The following ACYP2 variants were observed in gnomAD, a reference collection of about 807,000 sequenced individuals.
ACYP2 encodes the protein acylphosphatase-2.
Under a neutral mutation model 11.2 loss-of-function variants are expected in ACYP2, and 12 were observed. The ratio of observed to expected loss-of-function variants is 1.08; its 90% CI spans 0.69 to 1.74. The LOEUF is 1.74. Ranked by LOEUF, ACYP2 falls within the 40% of genes most tolerant of loss-of-function variation. The pLI is 0.00. For synonymous variants in ACYP2, 43 were observed against 32.2 expected, an observed-to-expected ratio of 1.33 and a Z score of -1.13; for missense variants, 134 against 101.9, an observed-to-expected ratio of 1.31 and a Z score of -1.35.
chr2:54,277,264 T>G (rs1231732304), intron 6 of ACYP2, among the ~76,000 whole-genome samples: 1 of 152,170 alleles, frequency 6.6e-6, no homozygotes, highest in Admixed American at 6.5e-5. Context: ...GACAAATAAC[T>G]CTCCCTCCTT....
At chr2:54,227,841 T>C (rs978405420) in intron 6 of ACYP2, among the ~76,000 whole-genome samples, 1 of 152,192 alleles carries the variant, frequency 6.6e-6, no homozygotes, top group Admixed American at 6.5e-5. Context: ...AGGAACTGAA[T>C]CATGTAAATC....
At chr2:54,027,482 C>T (rs1674347125) in intron 2 of ACYP2, among the ~76,000 whole-genome samples, 1 of 152,162 alleles carries the variant, frequency 6.6e-6, no homozygotes, top group Non-Finnish European at 1.5e-5. Flanking sequence ...TTTTGTCTTC[C>T]AATCATACTT....
At chr2:54,102,092 C>T (rs779814184) in intron 4 of ACYP2, among the ~76,000 whole-genome samples, 5 of 152,148 alleles carry the variant, frequency 3.3e-5, no homozygotes, top group Non-Finnish European at 4.4e-5. Context: ...ATCCCTCCCT[C>T]AAATGTATAT....
At chr2:54,234,793 C>A (rs1034246306) in intron 6 of ACYP2, among the ~76,000 whole-genome samples, 2 of 152,194 alleles carry the variant, frequency 1.3e-5, no homozygotes, top group African/African-American at 2.4e-5. Context: ...CTACTGATTT[C>A]TTTGGGGGAT....
At chr2:54,282,624 G>C (rs1688899221) in intron 6 of ACYP2, among the ~76,000 whole-genome samples, 1 of 152,028 alleles carries the variant, frequency 6.6e-6, no homozygotes, top group Non-Finnish European at 1.5e-5. Context: ...CTCTTACATG[G>C]TTAGCCAACT....
chr2:54,042,020 T>C (rs1006462431), intron 2 of ACYP2, among the ~76,000 whole-genome samples: 1 of 151,776 alleles, frequency 6.6e-6, no homozygotes, highest in Non-Finnish European at 1.5e-5. Context: ...TTTTTTTTTT[T>C]TTTTGAGATG....
At chr2:53,988,614 C>T (rs879667770) in intron 2 of ACYP2, among the ~76,000 whole-genome samples, 3 of 152,052 alleles carry the variant, frequency 2.0e-5, no homozygotes, top group Non-Finnish European at 4.4e-5. Context: ...TTTGTAGAGA[C>T]AGGGTTTTGC....
Position 54,274,457 on chromosome 2 carries a change from A to G in ACYP2, c.405-30231A>G, listed in dbSNP as rs141798273. Among the ~76,000 whole-genome samples, 337 of 152,120 alleles carry G rather than the reference A, an allele frequency of 2.2e-3. 1 individual carries two copies. The highest frequency in any genetic ancestry group is 7.7e-3 in the African/African-American group (318 of 41,480). ...GAGGTTTAAGACCAGCCTGGGCAAC[A>G]TAGTGAGCCCATTTCTACAAAATAA... On this transcript the variant is annotated intron_variant, in intron 6 of 6. Coordinates refer to ENST00000607452, the MANE Select transcript of ACYP2 (RefSeq NM_001320586.2).
chr2:54,125,839 T>TG (rs1680461139), intron 4 of ACYP2, among the ~76,000 whole-genome samples: 1 of 152,008 alleles, frequency 6.6e-6, no homozygotes, highest in South Asian at 2.1e-4. Flanking sequence ...CCCAGCACTT[T>TG]GGGGGGCCGA....
intron 6 of ACYP2, among the ~76,000 whole-genome samples, chr2:54,239,587 G>A (rs1367066769): frequency 2.0e-5 from 3 of 152,154 alleles, no homozygotes; most frequent in Non-Finnish European, 2.9e-5. Flanking sequence ...GTGAGCCAGA[G>A]GAGTATTTGA....
chr2:54,292,160 A>T (rs1015487924), intron 6 of ACYP2, among the ~76,000 whole-genome samples: 14 of 152,136 alleles, frequency 9.2e-5, no homozygotes, highest in African/African-American at 3.1e-4. Context: ...TACCAGCATG[A>T]CCAGCCACAA....
chr2:54,067,144 A>G (rs1676791125), intron 4 of ACYP2, among the ~76,000 whole-genome samples: 1 of 152,324 alleles, frequency 6.6e-6, no homozygotes, highest in Non-Finnish European at 1.5e-5. Flanking sequence ...TGCAGATATT[A>G]TTGTTAACTT....
At chr2:53,990,785 GT>G (rs1221080011) in intron 2 of ACYP2, among the ~76,000 whole-genome samples, 5 of 147,622 alleles carry the variant, frequency 3.4e-5, no homozygotes, top group East Asian at 4.0e-4. Context: ...AAGAATTTGC[GT>G]TTTTTTTTTG....
intron 2 of ACYP2, among the ~76,000 whole-genome samples, chr2:54,028,063 G>A (rs1257320320): frequency 6.6e-6 from 1 of 151,762 alleles, no homozygotes; most frequent in Non-Finnish European, 1.5e-5. Flanking sequence ...GGCTGGTCTC[G>A]AACTCATGAG....
chr2:54,055,340 A>G (rs779609045), intron 3 of ACYP2, among the ~76,000 whole-genome samples: 5 of 152,138 alleles, frequency 3.3e-5, no homozygotes, highest in Non-Finnish European at 5.9e-5. Context: ...TTCTTAAATG[A>G]GATAATTTCT....
At chr2:54,113,245 T>G (rs1005502512) in intron 4 of ACYP2, among the ~76,000 whole-genome samples, 2 of 151,818 alleles carry the variant, frequency 1.3e-5, no homozygotes, top group African/African-American at 4.8e-5. Context: ...GATGACTTTT[T>G]TTTTTTTTTT....
At chr2:54,175,605 T>C (rs1683426345) in intron 6 of ACYP2, among the ~76,000 whole-genome samples, 1 of 152,116 alleles carries the variant, frequency 6.6e-6, no homozygotes, top group South Asian at 2.1e-4. Context: ...GCTTCTCTAG[T>C]TCTTTTAATT....
intron 2 of ACYP2, among the ~76,000 whole-genome samples, chr2:54,022,495 C>T (rs528903742): frequency 2.6e-4 from 39 of 152,184 alleles, no homozygotes; most frequent in Non-Finnish European, 5.3e-4. Flanking sequence ...GGTCCTCCTC[C>T]CTCAGCCTTC....
At chr2:53,986,987 T>C (rs1294418674) in intron 2 of ACYP2, among the ~76,000 whole-genome samples, 3 of 152,154 alleles carry the variant, frequency 2.0e-5, no homozygotes, top group Non-Finnish European at 4.4e-5. Flanking sequence ...ACAAATGGAC[T>C]AGGACAACTA....
Sources: gnomAD v4.1 joint callset for allele counts (sites outside exome capture counted in the v4.1 genomes callset) on GRCh38, gnomAD v4.1.1 for gene constraint, MANE v1.5 for transcripts, NCBI Gene and HGNC (gene_info 2026-07-23, HGNC 2026-07-21) for gene names.